Variants in TIE1 observed in about 807,000 individuals in gnomAD.
TIE1 encodes the protein tyrosine-protein kinase receptor Tie-1.
Under a neutral mutation model 130.5 loss-of-function variants are expected in TIE1, and 89 were observed. The observed-to-expected ratio is 0.68, with a 90% CI of 0.57 to 0.81. The LOEUF (loss-of-function observed/expected upper bound fraction) is 0.81. Among genes scored for constraint, TIE1 ranks in the 40% least tolerant of loss-of-function variants. TIE1 has a pLI of 0.00. For missense variants in TIE1, 1,392 were observed against 1,559.8 expected (o/e 0.89, Z 1.81); for synonymous variants, 568 against 629.4 (o/e 0.90, Z 1.46).
intron 1 of TIE1, among the ~76,000 whole-genome samples, chr1:43,304,258 C>A (rs1188362187): frequency 1.3e-5 from 2 of 152,200 alleles, no homozygotes; most frequent in East Asian, 3.9e-4. Context: ...TGTGCCACAA[C>A]CTTCTGGCTG....
At chr1:43,301,269 T>G (rs1030143819) in intron 1 of TIE1, 140 bp downstream of exon 1, 68 of 923,028 alleles carry the variant, frequency 7.4e-5, no homozygotes, top group Admixed American at 2.2e-4. Flanking sequence ...TGGGGAGTTT[T>G]GTTTAAAAGG....
chr1:43,321,956 T>C lies in TIE1; in HGVS notation c.3345+241T>C, dbSNP rs569943715. Among the ~76,000 whole-genome samples the C allele has an allele frequency of 5.3e-5, 8 of 152,196 alleles. No homozygotes were observed. The South Asian group carries it at 1.7e-3, about 32-fold the overall frequency. ...CTGCTTAGCCCCAACAGCAAATCCC[T>C]ACCTTAAGCCCCAAGTCCCAGACTG... On this transcript the variant is annotated intron_variant, in intron 22 of 22. Coordinates refer to ENST00000372476, the MANE Select transcript of TIE1 (RefSeq NM_005424.5).
chr1:43,307,475 C>T lies in TIE1; in HGVS notation c.816C>T (p.Cys272=), dbSNP rs1298795081. The T allele has an allele frequency of 6.2e-7, 1 of 1,614,186 alleles. No individual in the cohort carries two copies. Among genetic ancestry groups the T allele is most frequent in the Non-Finnish European group, 8.5e-7 (1 of 1,180,024 alleles). Residue 272 remains cysteine, a synonymous_variant, in exon 6 of 23, where the codon TGC becomes TGT. Coordinates refer to ENST00000372476, the MANE Select transcript of TIE1 (RefSeq NM_005424.5). The surrounding 1 kb of genome is among the most constrained non-coding windows in gnomAD (Gnocchi z 5.4). ...TTGGGCAGAGCTGCCAGGAGCAGTG[C>T]CCAGGCATATCAGGCTGCCGGGGCC... The part of the protein sequence containing the change: ...GRFGQSCQEQ[C]PGISGCRGLT...
intron 3 of TIE1, 31 bp downstream of exon 3, chr1:43,305,374 G>A: frequency 1.3e-6 from 2 of 1,497,450 alleles, no homozygotes; most frequent in Non-Finnish European, 1.8e-6. Flanking sequence ...TGGTGGGGAG[G>A]GTAGACCCAT....
rs1646870283 is a variant in TIE1, at chr1:43,317,479, G to A, written c.2620+70G>A. On this transcript the variant is annotated intron_variant, in intron 15 of 22. Coordinates refer to ENST00000372476, the MANE Select transcript of TIE1 (RefSeq NM_005424.5). The surrounding 1 kb of genome is among the most constrained non-coding windows in gnomAD (Gnocchi z 5.1). ...TCCCACAAATCCCAGGCCCCACCTG[G>A]CTTCCTCCAGCAATTGACCCCAGCC... 1 of 1,609,816 alleles carries A rather than the reference G, an allele frequency of 6.2e-7. No individual in the cohort carries two copies. The highest frequency in any genetic ancestry group is 8.5e-7 in the Non-Finnish European group (1 of 1,176,142).
At position 43,315,841 on chromosome 1, in the gene TIE1, C is replaced by T. The variant is rs116864215; in HGVS notation, c.2410-1358C>T. Among the ~76,000 whole-genome samples, 1 of 152,048 alleles carries T rather than the reference C, an allele frequency of 6.6e-6. No individual in the cohort carries two copies. Among genetic ancestry groups the T allele is most frequent in the Non-Finnish European group, 1.5e-5 (1 of 68,018 alleles). ...ACATACATGGTGTCATACTCTATAT[C>T]AAGATATATCCCCCTAGCCTGGGCA... On this transcript the variant is annotated intron_variant, in intron 14 of 22. Transcript: ENST00000372476. This position sits in a 1 kb window ranked among gnomAD's most constrained non-coding sequence, Gnocchi z 4.4.
chr1:43,310,085 C>G (rs1570437991), intron 9 of TIE1, among the ~76,000 whole-genome samples: 1 of 152,236 alleles, frequency 6.6e-6, no homozygotes, highest in South Asian at 2.1e-4. Context: ...TCTCCAGCAC[C>G]CTAAGTCTTA....
At chr1:43,305,562 G>A (rs1300519352) in intron 3 of TIE1, among the ~76,000 whole-genome samples, 1 of 152,190 alleles carries the variant, frequency 6.6e-6, no homozygotes, top group Non-Finnish European at 1.5e-5. Context: ...AGGAGCCTGT[G>A]GTCAGCTGCC....
chr1:43,322,806 C>A lies in TIE1; in HGVS notation c.*84C>A. The A allele has an allele frequency of 7.7e-7, 1 of 1,306,758 alleles. No individual in the cohort carries two copies. 80.9% of individuals were successfully genotyped at this position (1,306,758 alleles called of 1,614,324 possible). Reference sequence around the variant, plus strand: ...GTGACCAGTCTGACCCTTACAGCCTCTGACTTAAGCTGCCTCAAGGAATTT... The same window carrying A: ...GTGACCAGTCTGACCCTTACAGCCTATGACTTAAGCTGCCTCAAGGAATTT... On this transcript the variant is annotated 3_prime_UTR_variant, in exon 23 of 23. Coordinates refer to ENST00000372476, the MANE Select transcript of TIE1 (RefSeq NM_005424.5). This position sits in a 1 kb window ranked among gnomAD's most constrained non-coding sequence, Gnocchi z 4.0.
Position 43,322,636 on chromosome 1 carries a change from T to G in TIE1, c.3346-15T>G. 2 of 1,613,700 alleles carry G rather than the reference T, an allele frequency of 1.2e-6. No individual in the cohort carries two copies. The highest frequency in any genetic ancestry group is 1.7e-6 in the Non-Finnish European group (2 of 1,179,744). ...CCCCATTCCTGGCCCCCACTAAAGC[T>G]TGCTCTGCCCCCAGGCCTATGTGAA... On this transcript the variant is annotated splice_polypyrimidine_tract_variant and intron_variant, in intron 22 of 22. Transcript: ENST00000372476. This position sits in a 1 kb window ranked among gnomAD's most constrained non-coding sequence, Gnocchi z 4.0.
intron 1 of TIE1, among the ~76,000 whole-genome samples, chr1:43,302,678 G>A (rs1646681645): frequency 6.6e-6 from 1 of 152,162 alleles, no homozygotes; most frequent in African/African-American, 2.4e-5. Context: ...GCATCACGGG[G>A]CTTAGGAGCA....
At chr1:43,314,262 C>T (rs543026405) in intron 14 of TIE1, 1 of 800,220 alleles carries the variant, frequency 1.2e-6, no homozygotes, top group Admixed American at 3.5e-5. Flanking sequence ...GTTTTGGGCT[C>T]CGTCAATTGG....
Position 43,321,289 on chromosome 1 carries a change from T to C in TIE1, c.3128T>C (p.Leu1043Pro), listed in dbSNP as rs1329107156. The change falls in exon 20 of 23, where the codon CTT becomes CCT. Residue 1043 changes from leucine to proline, a missense_variant. This residue lies in a region of TIE1 where 8 missense variants were observed against 31.1 expected (regional missense o/e 0.26). Transcript: ENST00000372476. ...TTCAGCTGGTCCTTTGGAGTCCTTC[T>C]TTGGGAGATAGTGAGCCTTGGTGAG... is the stretch of plus-strand genomic sequence containing the variant. ...KSDVWSFGVL[L>P]WEIVSLGGTP... The C allele has an allele frequency of 6.2e-7, 1 of 1,614,114 alleles. No homozygotes were observed. The highest frequency in any genetic ancestry group is 2.2e-5 in the East Asian group (1 of 44,870).
Position 43,319,447 on chromosome 1 carries a change from A to C in TIE1, c.3037-12A>C, listed in dbSNP as rs1211278145. 1 of 1,613,912 alleles carries C rather than the reference A, an allele frequency of 6.2e-7. No individual in the cohort carries two copies. On this transcript the variant is annotated splice_polypyrimidine_tract_variant and intron_variant, in intron 18 of 22. Coordinates refer to ENST00000372476, the MANE Select transcript of TIE1 (RefSeq NM_005424.5). The surrounding 1 kb of genome is among the most constrained non-coding windows in gnomAD (Gnocchi z 4.7). ...CCTCCACACTCAGCCCCTCAAACCC[A>C]TTCTCTCCTAGGGGCGTCTCCCTGT...
rs748322801 is a variant in TIE1 at position 43,309,539 on chromosome 1, G to T, written c.1333+7G>T. On this transcript the variant is annotated splice_region_variant and intron_variant, in intron 9 of 22. Transcript: ENST00000372476. This position sits in a 1 kb window ranked among gnomAD's most constrained non-coding sequence, Gnocchi z 6.3. ...TTCAAGGTCAATGTGAAAGGTCAGTGATGTCCTAGGTCCACAGGGAATGGA... is the reference window on the plus strand; with the variant it reads ...TTCAAGGTCAATGTGAAAGGTCAGTTATGTCCTAGGTCCACAGGGAATGGA... 16 of 1,575,578 alleles carry T rather than the reference G, an allele frequency of 1.0e-5. No individual in the cohort carries two copies. The highest frequency in any genetic ancestry group is 1.4e-5 in the Non-Finnish European group (16 of 1,163,796).
At position 43,307,155 on chromosome 1, in the gene TIE1, G is replaced by A. The variant is rs2153910701; in HGVS notation, c.654G>A (p.Gly218=). The stretch of plus-strand genomic sequence containing the variant: ...ACCTTCCTCCAGGTTGTGGGGCTGG[G>A]CGCTGGGGGCCAGGCTGTACCAAGG... ...FRLIVRGCGA[G]RWGPGCTKEC... The change falls in exon 5 of 23, where the codon GGG becomes GGA. Residue 218 remains glycine, a synonymous_variant. Coordinates refer to ENST00000372476, the MANE Select transcript of TIE1 (RefSeq NM_005424.5). The surrounding 1 kb of genome is among the most constrained non-coding windows in gnomAD (Gnocchi z 5.4). The A allele has an allele frequency of 6.2e-7, 1 of 1,614,088 alleles. No homozygotes were observed. Among genetic ancestry groups the A allele is most frequent in the Middle Eastern group, 1.6e-4 (1 of 6,062 alleles).
At position 43,312,661 on chromosome 1, in the gene TIE1, A is replaced by T. The variant is rs2153911912; in HGVS notation, c.1927+60A>T. 6.5e-7 allele frequency: 1 copy of T among 1,535,030 alleles called. No individual in the cohort carries two copies. Among genetic ancestry groups the T allele is most frequent in the Non-Finnish European group, 8.8e-7 (1 of 1,138,106 alleles). On this transcript the variant is annotated intron_variant, in intron 12 of 22. Coordinates refer to ENST00000372476, the MANE Select transcript of TIE1 (RefSeq NM_005424.5). The surrounding 1 kb of genome is among the most constrained non-coding windows in gnomAD (Gnocchi z 5.6). ...GGGAGGACGTGGGACACAGGGACACATGAGACCTAGGAGACACGGGAGGCT... is the reference window on the plus strand; with the variant it reads ...GGGAGGACGTGGGACACAGGGACACTTGAGACCTAGGAGACACGGGAGGCT...
Position 43,307,684 on chromosome 1 carries a change from CAG to C in TIE1, c.914-111_914-110del. On this transcript the variant is annotated intron_variant, in intron 6 of 22. Coordinates refer to ENST00000372476, the MANE Select transcript of TIE1 (RefSeq NM_005424.5). This position sits in a 1 kb window ranked among gnomAD's most constrained non-coding sequence, Gnocchi z 5.4. The stretch of plus-strand genomic sequence containing the variant: ...CAGCAAGCCCTCCTGCTCACTTGAC[CAG>C]TCCTTCTATCCTCAGCCTGTTGTAT... 6.3e-7 allele frequency: 1 copy of C among 1,599,546 alleles called. No individual in the cohort carries two copies. The highest frequency in any genetic ancestry group is 1.1e-5 in the South Asian group (1 of 89,128).
At position 43,312,070 on chromosome 1, in the gene TIE1, G is replaced by A. The variant is rs528012302; in HGVS notation, c.1569G>A (p.Arg523=). The A allele has an allele frequency of 6.2e-6, 10 of 1,605,152 alleles. No homozygotes were observed. In the Admixed American group the frequency reaches 6.7e-5, roughly 11 times the overall value. The change falls in exon 11 of 23, where the codon CGG becomes CGA. Residue 523 remains arginine, a synonymous_variant. Coordinates refer to ENST00000372476, the MANE Select transcript of TIE1 (RefSeq NM_005424.5). This position sits in a 1 kb window ranked among gnomAD's most constrained non-coding sequence, Gnocchi z 5.6. The part of the protein sequence containing the change: ...TGYSVRVQLS[R]PGEGGEGAWG... ...ACAGTGTTCGTGTGCAGCTGAGCCG[G>A]CCAGGGGAAGGAGGAGAGGGGGCCT...
Sources: gnomAD v4.1 joint callset for allele counts (sites outside exome capture counted in the v4.1 genomes callset) on GRCh38, gnomAD v4.1.1 for gene constraint, gnomAD v4.1.1 regional missense constraint, Gnocchi (gnomAD v3.1) non-coding constraint, MANE v1.5 for transcripts, NCBI Gene and HGNC (gene_info 2026-07-23, HGNC 2026-07-21) for gene names.